KIAA0319L: variants seen among roughly 807,000 people sequenced by gnomAD.
KIAA0319L encodes the protein dyslexia-associated protein KIAA0319-like protein.
In KIAA0319L, 55 loss-of-function variants were observed where a neutral mutation model predicts 120.1. The ratio of observed to expected loss-of-function variants is 0.46; its 90% confidence interval spans 0.37 to 0.57. The LOEUF (loss-of-function observed/expected upper bound fraction) is 0.57. Ranked by LOEUF, KIAA0319L falls within the 20% of genes least tolerant of loss-of-function variation. The pLI is 0.00. For synonymous variants in KIAA0319L, 398 were observed against 471.9 expected (o/e 0.84, Z 2.03); for missense variants, 1,049 against 1,255.3 (o/e 0.84, Z 2.48).
At position 35,540,166 on chromosome 1, in the gene KIAA0319L, T is replaced by C. The variant is rs148984069; in HGVS notation, c.142+14184A>G. ...TCTTTAGGGCAGAGTCTGCAGTGGG[T>C]AGAGTTCCAGATAGGCCTTGGCTGG... On this transcript the variant is annotated intron_variant, in intron 2 of 20. Coordinates refer to ENST00000325722, the MANE Select transcript of KIAA0319L (RefSeq NM_024874.5). 6.9e-3 allele frequency among the ~76,000 whole-genome samples: 1,049 copies of C among 152,258 alleles called. 7 individuals are homozygous for C. The highest frequency in any genetic ancestry group is 0.012 in the Non-Finnish European group (792 of 68,012).
Position 35,466,589 on chromosome 1 carries a change from G to GCC in KIAA0319L, c.1201+17_1201+18dup. 1 of 1,575,788 alleles carries GCC rather than the reference G, an allele frequency of 6.3e-7. No homozygotes were observed. Among genetic ancestry groups the GCC allele is most frequent in the South Asian group, 1.1e-5 (1 of 90,276 alleles). Reference sequence around the variant, plus strand: ...CTGCAGAGGGAGGAAGGGAGACACAGCCAGGGCTGAAAACATACCTGGCTT... The same window carrying GCC: ...CTGCAGAGGGAGGAAGGGAGACACAGCCCCAGGGCTGAAAACATACCTGGCTT... On this transcript the variant is annotated intron_variant, in intron 7 of 20. Transcript: ENST00000325722.
rs113878648 is a variant in KIAA0319L, at chr1:35,453,628, A to G, written c.1842T>C (p.Asp614=). 4.3e-5 allele frequency: 70 copies of G among 1,613,868 alleles called. No individual in the cohort carries two copies. The Admixed American group carries it at 1.2e-3, about 27-fold the overall frequency. ...TCTTGCTGCCATCCAGGGTTGTGCT[A>G]TCCACAGGAAGGGTCAGCTCTTTAT... ...GPDKELTLPV[D]STTLDGSKSS... The change falls in exon 12 of 21, where the codon GAT becomes GAC. Residue 614 remains aspartate (D), a synonymous_variant. Coordinates refer to ENST00000325722, the MANE Select transcript of KIAA0319L (RefSeq NM_024874.5). The surrounding 1 kb of genome is among the most constrained non-coding windows in gnomAD (Gnocchi z 4.1).
At chr1:35,455,189 C>T (rs1642352935) in intron 10 of KIAA0319L, among the ~76,000 whole-genome samples, 1 of 152,126 alleles carries the variant, frequency 6.6e-6, no homozygotes, top group Non-Finnish European at 1.5e-5. Flanking sequence ...TGGTGTCTCT[C>T]ATATTGGAAA....
At chr1:35,520,335 T>C (rs1269021689) in intron 2 of KIAA0319L, among the ~76,000 whole-genome samples, 12 of 151,976 alleles carry the variant, frequency 7.9e-5, no homozygotes, top group Admixed American at 7.9e-4. Context: ...CCTGACCTCA[T>C]GATCCACCCA....
chr1:35,555,468 A>C (rs560696037), intron 1 of KIAA0319L, among the ~76,000 whole-genome samples: 1 of 152,348 alleles, frequency 6.6e-6, no homozygotes, highest in South Asian at 2.1e-4. Flanking sequence ...TGCAAAACTA[A>C]GGTGCAGCCC....
chr1:35,551,840 C>G (rs1470785781), intron 2 of KIAA0319L, among the ~76,000 whole-genome samples: 2 of 152,164 alleles, frequency 1.3e-5, no homozygotes, highest in Non-Finnish European at 2.9e-5. Context: ...ACACCTAACA[C>G]CACCACCTTT....
chr1:35,525,186 T>C (rs1440140155), intron 2 of KIAA0319L, among the ~76,000 whole-genome samples: 1 of 152,202 alleles, frequency 6.6e-6, no homozygotes, highest in Non-Finnish European at 1.5e-5. Flanking sequence ...ATTTCATTCT[T>C]TTTTAAGGCC....
chr1:35,470,510 A>G (rs1002045169), intron 6 of KIAA0319L, among the ~76,000 whole-genome samples: 36 of 150,072 alleles, frequency 2.4e-4, no homozygotes, highest in African/African-American at 4.6e-4. Context: ...AAAAAAAAAA[A>G]AAAAGAAAAA....
intron 2 of KIAA0319L, among the ~76,000 whole-genome samples, chr1:35,545,248 CTGGCCCTCTGCCAGAGTGAAGAG>C (rs1368405893): frequency 1.3e-5 from 2 of 152,154 alleles, no homozygotes; most frequent in Non-Finnish European, 2.9e-5. Flanking sequence ...TGCTGGAACT[CTGGCCCTCTGCCAGAGTGAAGAG>C]TGAAGCAATC....
intron 2 of KIAA0319L, among the ~76,000 whole-genome samples, chr1:35,529,096 TCTCA>T (rs771454516): frequency 1.1e-3 from 175 of 152,266 alleles, no homozygotes; most frequent in Non-Finnish European, 1.9e-3. Flanking sequence ...AGAGATGAGG[TCTCA>T]CTATGTTGCC....
At chr1:35,500,029 T>G (rs1323200499) in intron 3 of KIAA0319L, among the ~76,000 whole-genome samples, 1 of 152,154 alleles carries the variant, frequency 6.6e-6, no homozygotes, top group Non-Finnish European at 1.5e-5. Flanking sequence ...TCTAAGTCAT[T>G]TATTTGTTCC....
At chr1:35,455,650 G>A (rs182806179) in intron 10 of KIAA0319L, among the ~76,000 whole-genome samples, 106 of 143,908 alleles carry the variant, frequency 7.4e-4, no homozygotes, top group African/African-American at 2.1e-3. Flanking sequence ...GCGTGATCTC[G>A]GCTCACTGCA....
chr1:35,450,115 C>T, intron 14 of KIAA0319L, 110 bp from the exon 15 acceptor site: 3 of 1,350,598 alleles, frequency 2.2e-6, no homozygotes, highest in Non-Finnish European at 3.1e-6. Flanking sequence ...ACTGTTTCAA[C>T]CTTGGGCAGT....
chr1:35,456,269 C>A, intron 9 of KIAA0319L, 28 bp from the exon 10 acceptor site: 1 of 1,416,156 alleles, frequency 7.1e-7, no homozygotes, highest in South Asian at 1.4e-5. Context: ...GGAGTGTGAT[C>A]AGGGACGGGT....
rs192190817 is a variant in KIAA0319L, at chr1:35,451,618, A to C, written c.2062+10T>G. On this transcript the variant is annotated intron_variant, in intron 13 of 20. Transcript: ENST00000325722. ...AGAGGCTGCTACACAAACTGGAGGC[A>C]GAGAGGTACCTTCTTTGACAATGAC... 8.9e-5 allele frequency: 143 copies of C among 1,613,250 alleles called. No homozygotes were observed. The East Asian group carries it at 2.9e-3, about 32-fold the overall frequency.
In KIAA0319L at chr1:35,442,936, C is replaced by T. The variant is rs1475443579; in HGVS notation, c.2749G>A (p.Val917Met). The change falls in exon 18 of 21, where the codon GTG becomes ATG. Residue 917 changes from valine to methionine, a missense_variant. By Grantham distance (21) the Val-to-Met change is conservative. Coordinates refer to ENST00000325722, the MANE Select transcript of KIAA0319L (RefSeq NM_024874.5). ...TTGCTGTCTCCATCCCTCAGCTGCACCTTGATGAAATTCTCCATCCAAAAA... is the reference window on the plus strand; with the variant it reads ...TTGCTGTCTCCATCCCTCAGCTGCATCTTGATGAAATTCTCCATCCAAAAA... ...DPFWMENFIKVQLRDGDSNCE... is the reference protein window; with the variant it reads ...DPFWMENFIKMQLRDGDSNCE... The T allele has an allele frequency of 5.6e-6, 9 of 1,614,220 alleles. No homozygotes were observed. Among genetic ancestry groups the T allele is most frequent in the Non-Finnish European group, 6.8e-6 (8 of 1,180,040 alleles).
At chr1:35,548,869 G>A (rs1647086523) in intron 2 of KIAA0319L, among the ~76,000 whole-genome samples, 1 of 151,954 alleles carries the variant, frequency 6.6e-6, no homozygotes, top group Admixed American at 6.6e-5. Flanking sequence ...TTGTGCCTTT[G>A]CTCTTGCATT....
chr1:35,467,290 T>C (rs574963080), intron 6 of KIAA0319L, among the ~76,000 whole-genome samples: 1 of 152,236 alleles, frequency 6.6e-6, no homozygotes, highest in East Asian at 1.9e-4. Flanking sequence ...TTTGTAAAGA[T>C]ACTAAATAGT....
intron 16 of KIAA0319L, 135 bp downstream of exon 16, chr1:35,448,038 G>T (rs1455339006): frequency 2.4e-6 from 2 of 833,542 alleles, no homozygotes; most frequent in African/African-American, 1.7e-5. Flanking sequence ...GAAGTCTATT[G>T]AAGAAAAGGC....
Sources: allele counts gnomAD v4.1 joint callset (sites outside exome capture counted in the v4.1 genomes callset), GRCh38; gene constraint gnomAD v4.1.1; non-coding constraint Gnocchi (gnomAD v3.1); transcripts MANE v1.5; gene names NCBI Gene and HGNC (gene_info 2026-07-23, HGNC 2026-07-21).